Variants in PRMT9 observed in about 807,000 individuals in gnomAD.
PRMT9 encodes the protein protein arginine methyltransferase 9.
PRMT9 carries 59 observed loss-of-function variants against 83.2 expected under a neutral mutation model. The ratio of observed to expected loss-of-function variants is 0.71; its 90% CI spans 0.57 to 0.88. The LOEUF is 0.88. Ranked by LOEUF, PRMT9 falls within the 40% of genes least tolerant of loss-of-function variation. The pLI is 0.00. For missense variants in PRMT9, 947 were observed against 1,021.9 expected, an observed-to-expected ratio of 0.93 and a Z score of 1.00; for synonymous variants, 333 against 353.2, an observed-to-expected ratio of 0.94 and a Z score of 0.64.
At chr4:147,654,587 G>A (rs751891437) in intron 8 of PRMT9, 21 bp from the exon 9 acceptor site, 3 of 1,496,814 alleles carry the variant, frequency 2.0e-6, no homozygotes, top group Admixed American at 1.7e-5. Flanking sequence ...TAGTAAGGAA[G>A]AAAAAAAATA....
At chr4:147,663,309 A>C (rs966332741) in intron 6 of PRMT9, among the ~76,000 whole-genome samples, 2 of 151,604 alleles carry the variant, frequency 1.3e-5, no homozygotes, top group Non-Finnish European at 2.9e-5. Context: ...CGCCCAGCCT[A>C]CTATGATTTC....
At chr4:147,668,940 G>T (rs1268503389) in intron 5 of PRMT9, among the ~76,000 whole-genome samples, 1 of 152,104 alleles carries the variant, frequency 6.6e-6, no homozygotes, top group African/African-American at 2.4e-5. Context: ...TAAAAAATTA[G>T]CTGGGCGTGG....
At chr4:147,644,865 G>C (rs770137803) in intron 9 of PRMT9, among the ~76,000 whole-genome samples, 4 of 152,210 alleles carry the variant, frequency 2.6e-5, no homozygotes, top group Non-Finnish European at 5.9e-5. Context: ...AATGGAGGTG[G>C]AGGATACTTT....
At position 147,665,881 on chromosome 4, in the gene PRMT9, A is replaced by G. The variant is rs571069978; in HGVS notation, c.953+2658T>C. Among the ~76,000 whole-genome samples the G allele has an allele frequency of 3.3e-5, 5 of 152,244 alleles. No homozygotes were observed. The East Asian group carries it at 9.6e-4, about 29-fold the overall frequency. On this transcript the variant is annotated intron_variant, in intron 6 of 11. Coordinates refer to ENST00000322396, the MANE Select transcript of PRMT9 (RefSeq NM_138364.4). Reference sequence around the variant, plus strand: ...ACATTCAGATAATTTGTTTGCTTTGATTTTTCCAATTACAGTATTATAGTG... The same window carrying G: ...ACATTCAGATAATTTGTTTGCTTTGGTTTTTCCAATTACAGTATTATAGTG...
rs1733501776 is a variant in PRMT9, at chr4:147,642,901, A to G, written c.2085T>C (p.Tyr695=). 1.2e-6 allele frequency: 2 copies of G among 1,614,168 alleles called. No homozygotes were observed. Among genetic ancestry groups the G allele is most frequent in the South Asian group, 1.1e-5 (1 of 91,088 alleles). ...LQSGGKIFPQ[Y]VLMFGLLVES... is the part of the protein sequence containing the mutation. The stretch of plus-strand genomic sequence containing the variant: ...CCACAAGCAACCCAAACATCAGCAC[A>G]TACTGAGGAAAGATCTTGCCTCCAG... Residue 695 remains tyrosine (Y), a synonymous_variant, in exon 10 of 12, where the codon TAT becomes TAC. Coordinates refer to ENST00000322396, the MANE Select transcript of PRMT9 (RefSeq NM_138364.4).
intron 6 of PRMT9, among the ~76,000 whole-genome samples, chr4:147,666,610 GT>G (rs1735351984): frequency 2.0e-5 from 3 of 151,900 alleles, no homozygotes; most frequent in African/African-American, 7.3e-5. Context: ...TTACTTCTAG[GT>G]TTTTATATCT....
intron 9 of PRMT9, among the ~76,000 whole-genome samples, chr4:147,643,462 A>G (rs1692085377): frequency 6.6e-6 from 1 of 152,208 alleles, no homozygotes; most frequent in Non-Finnish European, 1.5e-5. Flanking sequence ...GTAACTACTG[A>G]TCAGTGAAAG....
intron 1 of PRMT9, among the ~76,000 whole-genome samples, chr4:147,680,926 AT>A (rs1736425550): frequency 6.6e-6 from 1 of 152,244 alleles, no homozygotes; most frequent in Non-Finnish European, 1.5e-5. Context: ...CCTATTAGTC[AT>A]TTCAACCCGG....
chr4:147,684,074 A>G lies in PRMT9; in HGVS notation c.-87T>C. 5 of 1,399,640 alleles carry G rather than the reference A, an allele frequency of 3.6e-6. No homozygotes were observed. The highest frequency in any genetic ancestry group is 4.9e-6 in the Non-Finnish European group (5 of 1,014,914). The allele number at this position is 1,399,640 out of a possible 1,614,324, so 86.7% of individuals were successfully genotyped here. A position where few individuals can be genotyped will look rare whatever the true frequency, so the allele number is the denominator to read the frequency against. Reference sequence around the variant, plus strand: ...TCGATGCTACACTTCCAGGGACCAGACAACTGCTCAAAAAACAGCACAGCA... The same window carrying G: ...TCGATGCTACACTTCCAGGGACCAGGCAACTGCTCAAAAAACAGCACAGCA... On this transcript the variant is annotated 5_prime_UTR_variant, in exon 1 of 12. Coordinates refer to ENST00000322396, the MANE Select transcript of PRMT9 (RefSeq NM_138364.4).
Position 147,657,895 on chromosome 4 carries a change from C to G in PRMT9, c.1227G>C (p.Met409Ile). The change falls in exon 8 of 12, where the codon ATG (methionine) becomes ATC (isoleucine). Residue 409 changes from methionine to isoleucine, a missense_variant. Physicochemically the swap from Met to Ile is conservative, Grantham distance 10. Coordinates refer to ENST00000322396, the MANE Select transcript of PRMT9 (RefSeq NM_138364.4). Reference sequence around the variant, plus strand: ...CATCAAGCTGGAGCACAAACCAAACCATAATAGCATCTAGTATGCCTTCTT... The same window carrying G: ...CATCAAGCTGGAGCACAAACCAAACGATAATAGCATCTAGTATGCCTTCTT... ...VIKEGILDAI[M>I]VWFVLQLDDE... The G allele has an allele frequency of 6.2e-7, 1 of 1,608,420 alleles. No individual in the cohort carries two copies. The highest frequency in any genetic ancestry group is 8.5e-7 in the Non-Finnish European group (1 of 1,178,200).
intron 2 of PRMT9, among the ~76,000 whole-genome samples, chr4:147,674,727 C>G (rs986817879): frequency 1.3e-5 from 2 of 152,180 alleles, no homozygotes; most frequent in African/African-American, 4.8e-5. Flanking sequence ...TCACCAGCAC[C>G]CAAACTGATC....
At chr4:147,657,689 T>C in intron 8 of PRMT9, 103 bp downstream of exon 8, 1 of 850,894 alleles carries the variant, frequency 1.2e-6, no homozygotes, top group Non-Finnish European at 1.9e-6. Context: ...CCAACCTCCT[T>C]TGACTGAAAC....
intron 9 of PRMT9, among the ~76,000 whole-genome samples, chr4:147,649,248 T>C (rs1733938651): frequency 6.6e-6 from 1 of 151,214 alleles, no homozygotes; most frequent in Non-Finnish European, 1.5e-5. Context: ...CCTCATCCTG[T>C]AAAAAAAACC....
intron 4 of PRMT9, 41 bp from the exon 5 acceptor site, chr4:147,670,784 C>T (rs1433086835): frequency 7.9e-7 from 1 of 1,266,864 alleles, no homozygotes; most frequent in Admixed American, 1.7e-5. Context: ...AGTAAAATAT[C>T]ATGCTATTAT....
At chr4:147,676,125 T>C (rs1421591572) in intron 2 of PRMT9, among the ~76,000 whole-genome samples, 1 of 152,158 alleles carries the variant, frequency 6.6e-6, no homozygotes, top group Admixed American at 6.6e-5. Flanking sequence ...TAGTTACATC[T>C]CCCCAAAGCA....
At chr4:147,658,052 T>C (rs1377871849) in intron 7 of PRMT9, 77 bp from the exon 8 acceptor site, 2 of 1,017,878 alleles carry the variant, frequency 2.0e-6, no homozygotes, top group Admixed American at 4.0e-5. Flanking sequence ...CCATTTTCCA[T>C]CTCTGGAGTT....
At chr4:147,665,124 CA>C (rs370245859) in intron 6 of PRMT9, among the ~76,000 whole-genome samples, 147 of 116,654 alleles carry the variant, frequency 1.3e-3, no homozygotes, top group African/African-American at 4.1e-3. Flanking sequence ...TCTGTCTAAA[CA>C]AAAAAAAAAA....
At position 147,641,328 on chromosome 4, in the gene PRMT9, C is replaced by T. The variant is rs183169628; in HGVS notation, c.2199+1459G>A. Among the ~76,000 whole-genome samples the T allele has an allele frequency of 1.3e-3, 202 of 152,276 alleles. 1 individual carries two copies. The highest frequency in any genetic ancestry group is 3.4e-3 in the Middle Eastern group (1 of 294). ...CTGACTGCATCTCTCATCACTCTCC[C>T]TCTTGGTTGCTTCTTGCTGTTTTTG... On this transcript the variant is annotated intron_variant, in intron 10 of 11. Coordinates refer to ENST00000322396, the MANE Select transcript of PRMT9 (RefSeq NM_138364.4).
At chr4:147,638,908 G>A in intron 11 of PRMT9, 52 bp downstream of exon 11, 8 of 1,530,720 alleles carry the variant, frequency 5.2e-6, no homozygotes, top group Non-Finnish European at 7.2e-6. Flanking sequence ...CCTAATTTAA[G>A]ATAATTATTC....
Sources: allele counts gnomAD v4.1 joint callset (sites outside exome capture counted in the v4.1 genomes callset), GRCh38; gene constraint gnomAD v4.1.1; transcripts MANE v1.5; gene names NCBI Gene and HGNC (gene_info 2026-07-23, HGNC 2026-07-21).